Variants in MSRB3 observed in about 807,000 individuals in gnomAD.
MSRB3 encodes methionine-R-sulfoxide reductase B3.
In MSRB3, 13 loss-of-function variants were observed where a neutral mutation model predicts 21.0. That is an observed-to-expected ratio of 0.62 (90% CI 0.40 to 0.98). The LOEUF (loss-of-function observed/expected upper bound fraction) is 0.98. Ranked by LOEUF, MSRB3 falls within the 50% of genes least tolerant of loss-of-function variation. The pLI is 0.00. For synonymous variants in MSRB3, 87 were observed against 88.6 expected (o/e 0.98, Z 0.10); for missense variants, 199 against 230.3 (o/e 0.86, Z 0.88).
intron 5 of MSRB3, among the ~76,000 whole-genome samples, chr12:65,448,067 T>C (rs1212282232): frequency 6.6e-6 from 1 of 152,186 alleles, no homozygotes; most frequent in Non-Finnish European, 1.5e-5. Context: ...AAATAATGTT[T>C]ATTAGTTTTC....
chr12:65,401,323 C>T (rs1340404463), intron 5 of MSRB3, among the ~76,000 whole-genome samples: 2 of 152,016 alleles, frequency 1.3e-5, no homozygotes, highest in Non-Finnish European at 2.9e-5. Context: ...GTTTAGGATA[C>T]TTAGCTCTTC....
At chr12:65,312,027 C>A (rs1011030353) in intron 2 of MSRB3, among the ~76,000 whole-genome samples, 14 of 151,948 alleles carry the variant, frequency 9.2e-5, no homozygotes, top group African/African-American at 3.4e-4. Context: ...TAATTTCTTA[C>A]AACAGTTTCC....
At chr12:65,344,466 A>G (rs182845702) in intron 4 of MSRB3, among the ~76,000 whole-genome samples, 8 of 152,150 alleles carry the variant, frequency 5.3e-5, no homozygotes, top group Admixed American at 2.0e-4. Context: ...ATAGCTTACC[A>G]AATGGCCAGC....
chr12:65,396,864 T>A (rs1879848233), intron 5 of MSRB3, among the ~76,000 whole-genome samples: 1 of 152,200 alleles, frequency 6.6e-6, no homozygotes, highest in Non-Finnish European at 1.5e-5. Flanking sequence ...TCTATAGATG[T>A]TCATTATATC....
intron 5 of MSRB3, chr12:65,418,660 T>C (rs1358785386): frequency 3.2e-6 from 2 of 631,540 alleles, no homozygotes; most frequent in South Asian, 1.9e-5. Flanking sequence ...AGTTTTTTTT[T>C]TTTAACCTCT....
rs958626517 is a variant in MSRB3, at chr12:65,382,619, C to T, written c.292+13593C>T. ...GAATTTATTCAATTTTTTTTCATCA[C>T]GACCACCTGTTTAGTTAGCAGTATC... On this transcript the variant is annotated intron_variant, in intron 5 of 6. Transcript: ENST00000308259. Among the ~76,000 whole-genome samples, 12 of 151,648 alleles carry T rather than the reference C, an allele frequency of 7.9e-5. No individual in the cohort carries two copies. In the South Asian group the frequency reaches 8.3e-4, roughly 11 times the overall value.
intron 5 of MSRB3, among the ~76,000 whole-genome samples, chr12:65,399,275 A>G (rs1167760803): frequency 3.3e-5 from 5 of 151,944 alleles, no homozygotes; most frequent in Admixed American, 2.0e-4. Flanking sequence ...GTCCTCTCTT[A>G]TTTCCTTGAG....
intron 4 of MSRB3, among the ~76,000 whole-genome samples, chr12:65,340,033 T>C (rs868071425): frequency 6.6e-6 from 1 of 152,260 alleles, no homozygotes. Flanking sequence ...GGGAAATAAA[T>C]TGACAAAACA....
At chr12:65,411,924 G>T (rs1344919864) in intron 5 of MSRB3, among the ~76,000 whole-genome samples, 1 of 151,586 alleles carries the variant, frequency 6.6e-6, no homozygotes, top group East Asian at 1.9e-4. Flanking sequence ...CTTGAAAAAG[G>T]AACATAAAAG....
chr12:65,300,672 T>C (rs1592502461), intron 1 of MSRB3, among the ~76,000 whole-genome samples: 1 of 152,182 alleles, frequency 6.6e-6, no homozygotes, highest in African/African-American at 2.4e-5. Flanking sequence ...CAAATCCCAA[T>C]GGTTTAAAAT....
intron 4 of MSRB3, among the ~76,000 whole-genome samples, chr12:65,366,215 C>T (rs572524108): frequency 2.2e-4 from 34 of 152,258 alleles, no homozygotes; most frequent in African/African-American, 8.2e-4. Flanking sequence ...TATGCCACAC[C>T]TTTTTCCCAT....
Position 65,328,562 on chromosome 12 carries a change from T to C in MSRB3, c.222T>C (p.Pro74=), listed in dbSNP as rs142500853. The change falls in exon 4 of 7, where the codon CCT becomes CCC. Residue 74 remains proline, a synonymous_variant. Coordinates refer to ENST00000308259, the MANE Select transcript of MSRB3 (RefSeq NM_001031679.3). ...FEGEYTHHKD[P]GIYKCVVCGT... ...GAGAATACACACATCACAAAGATCCTGGAATATATAAATGTGTTGTTTGTG... is the reference window on the plus strand; with the variant it reads ...GAGAATACACACATCACAAAGATCCCGGAATATATAAATGTGTTGTTTGTG... 77 of 1,612,550 alleles carry C rather than the reference T, an allele frequency of 4.8e-5. No individual in the cohort carries two copies. The highest frequency in any genetic ancestry group is 5.9e-5 in the Non-Finnish European group (69 of 1,178,912).
At chr12:65,281,113 C>T (rs1392206427) in intron 1 of MSRB3, among the ~76,000 whole-genome samples, 1 of 152,130 alleles carries the variant, frequency 6.6e-6, no homozygotes, top group Admixed American at 6.5e-5. Context: ...CCTGTGGTCT[C>T]AGCTACTTGG....
Position 65,328,559 on chromosome 12 carries a change from T to C in MSRB3, c.219T>C (p.Asp73=), listed in dbSNP as rs1446419829. 1.2e-6 allele frequency: 2 copies of C among 1,612,526 alleles called. No individual in the cohort carries two copies. Among genetic ancestry groups the C allele is most frequent in the Admixed American group, 3.3e-5 (2 of 59,992 alleles). ...AFEGEYTHHK[D]PGIYKCVVCG... ...AAGGAGAATACACACATCACAAAGA[T>C]CCTGGAATATATAAATGTGTTGTTT... The change falls in exon 4 of 7, where the codon GAT becomes GAC. Residue 73 remains aspartate (D), a synonymous_variant. Transcript: ENST00000308259.
intron 1 of MSRB3, among the ~76,000 whole-genome samples, chr12:65,279,724 C>G (rs1871898997): frequency 6.6e-6 from 1 of 152,028 alleles, no homozygotes; most frequent in African/African-American, 2.4e-5. Flanking sequence ...CATGTGGGAA[C>G]TGTTGGGGGG....
Position 65,463,373 on chromosome 12 carries a change from A to C in MSRB3, c.*51A>C. The stretch of plus-strand genomic sequence containing the variant: ...GTGTACTTAATGCACAGCTTATTAA[A>C]AAAATCAAAATTGTTATCTTAATAG... On this transcript the variant is annotated 3_prime_UTR_variant, in exon 7 of 7. Transcript: ENST00000308259. The C allele has an allele frequency of 6.3e-7, 1 of 1,597,770 alleles. No individual in the cohort carries two copies.
intron 2 of MSRB3, among the ~76,000 whole-genome samples, chr12:65,313,140 A>G (rs1874083003): frequency 6.6e-6 from 1 of 152,132 alleles, no homozygotes; most frequent in Non-Finnish European, 1.5e-5. Context: ...GCGGTGAATA[A>G]GTACGTAGTA....
intron 5 of MSRB3, 131 bp downstream of exon 5, chr12:65,369,157 A>G (rs1473157840): frequency 4.4e-6 from 3 of 684,028 alleles, no homozygotes; most frequent in Non-Finnish European, 7.8e-6. Context: ...TGTGAGTCCC[A>G]CCTCAAAGCA....
intron 1 of MSRB3, among the ~76,000 whole-genome samples, chr12:65,297,916 T>G (rs73119404): frequency 0.063 from 9,543 of 152,122 alleles, 398 homozygotes; most frequent in East Asian, 0.19. Flanking sequence ...CAGCACTTAG[T>G]ATTGTTTGGA....
Sources: allele counts gnomAD v4.1 joint callset (sites outside exome capture counted in the v4.1 genomes callset), GRCh38; gene constraint gnomAD v4.1.1; transcripts MANE v1.5; gene names NCBI Gene and HGNC (gene_info 2026-07-23, HGNC 2026-07-21).